The following SPIDR variants were observed in gnomAD, a reference collection of about 807,000 sequenced individuals.
SPIDR encodes the protein scaffold protein involved in DNA repair.
In SPIDR, 93 loss-of-function variants were observed where a neutral mutation model predicts 104.6. The observed-to-expected ratio is 0.89, with a 90% CI of 0.75 to 1.06. SPIDR has a LOEUF of 1.06. Ranked by LOEUF, SPIDR falls within the 50% of genes least tolerant of loss-of-function variation. SPIDR has a pLI of 0.00. For missense variants in SPIDR, 1,154 were observed against 1,111.2 expected (o/e 1.04, Z -0.55); for synonymous variants, 431 against 416.9 (o/e 1.03, Z -0.41).
chr8:47,395,297 C>T (rs556296533), intron 5 of SPIDR, among the ~76,000 whole-genome samples: 8 of 152,104 alleles, frequency 5.3e-5, no homozygotes, highest in South Asian at 2.1e-4. Context: ...AGCAATGAGC[C>T]GAGATCATGC....
At chr8:47,421,249 A>G (rs1014550263) in intron 7 of SPIDR, among the ~76,000 whole-genome samples, 9 of 152,356 alleles carry the variant, frequency 5.9e-5, no homozygotes, top group African/African-American at 1.4e-4. Flanking sequence ...GGGTACACCA[A>G]TCAGACGTAG....
intron 5 of SPIDR, among the ~76,000 whole-genome samples, chr8:47,346,241 G>T (rs1409933557): frequency 8.5e-5 from 13 of 152,136 alleles, no homozygotes; most frequent in Admixed American, 8.5e-4. Flanking sequence ...TTTGTCGTTG[G>T]TTCTGTTTAT....
chr8:47,696,309 A>G (rs2079325033), intron 11 of SPIDR, among the ~76,000 whole-genome samples: 1 of 152,220 alleles, frequency 6.6e-6, no homozygotes. Context: ...GTTACCAACA[A>G]CAAAATTCAG....
chr8:47,269,831 C>T (rs951422482), intron 1 of SPIDR, among the ~76,000 whole-genome samples: 2 of 152,014 alleles, frequency 1.3e-5, no homozygotes, highest in Non-Finnish European at 2.9e-5. Flanking sequence ...GAGGAAATAA[C>T]CTTCTATATC....
chr8:47,533,389 C>T (rs1303300808), intron 8 of SPIDR, among the ~76,000 whole-genome samples: 1 of 152,124 alleles, frequency 6.6e-6, no homozygotes, highest in Non-Finnish European at 1.5e-5. Context: ...GACAAAGACA[C>T]CAAAAGCAGT....
intron 8 of SPIDR, among the ~76,000 whole-genome samples, chr8:47,483,431 A>G (rs1364840332): frequency 6.6e-6 from 1 of 152,152 alleles, no homozygotes; most frequent in Non-Finnish European, 1.5e-5. Flanking sequence ...CTTGGTTCTA[A>G]TAAGCCCTGA....
At chr8:47,606,826 C>T (rs1212454835) in intron 10 of SPIDR, among the ~76,000 whole-genome samples, 1 of 152,208 alleles carries the variant, frequency 6.6e-6, no homozygotes, top group East Asian at 1.9e-4. Flanking sequence ...CTTTTCTTCC[C>T]ACTAAACAGT....
chr8:47,361,086 A>G (rs782742960), intron 5 of SPIDR: 132 of 709,946 alleles, frequency 1.9e-4, no homozygotes, highest in Non-Finnish European at 2.2e-4. Flanking sequence ...GTTACTTAAA[A>G]GAAGGTAGCA....
chr8:47,685,517 A>ATTTATTTATTTTTTTT (rs761792229), intron 11 of SPIDR, among the ~76,000 whole-genome samples: 2 of 130,170 alleles, frequency 1.5e-5, no homozygotes, highest in Non-Finnish European at 3.4e-5. Context: ...TTATTTATTT[A>ATTTATTTATTTTTTTT]TTTTTTTGAG....
Position 47,508,808 on chromosome 8 carries a change from G to A in SPIDR, c.1097+68266G>A, listed in dbSNP as rs74832046. Among the ~76,000 whole-genome samples the A allele has an allele frequency of 9.7e-3, 1,482 of 152,174 alleles. 23 individuals carry two copies. The highest frequency in any genetic ancestry group is 0.034 in the African/African-American group (1,401 of 41,498). On this transcript the variant is annotated intron_variant, in intron 8 of 19. Transcript: ENST00000297423. ...AGGACACAGAGGTGTTGAGTCCTCC[G>A]GGAGAATGTCCAATAAGTGCTGAGA...
intron 8 of SPIDR, among the ~76,000 whole-genome samples, chr8:47,495,506 C>T (rs1004701589): frequency 1.3e-5 from 2 of 152,036 alleles, no homozygotes; most frequent in African/African-American, 4.8e-5. Flanking sequence ...TTCATTACCC[C>T]GAATAGAAAC....
chr8:47,323,170 A>G (rs1251292724), intron 5 of SPIDR, among the ~76,000 whole-genome samples: 1 of 152,142 alleles, frequency 6.6e-6, no homozygotes, highest in Non-Finnish European at 1.5e-5. Context: ...GTCATAGCTA[A>G]ATAATAACAA....
At chr8:47,595,617 C>G (rs1390576237) in intron 8 of SPIDR, among the ~76,000 whole-genome samples, 194 bp from the exon 9 acceptor site, 1 of 152,230 alleles carries the variant, frequency 6.6e-6, no homozygotes, top group Non-Finnish European at 1.5e-5. Context: ...TGACACAGGG[C>G]TTTCACTAGA....
At chr8:47,351,480 A>C (rs1277444684) in intron 5 of SPIDR, among the ~76,000 whole-genome samples, 1 of 152,224 alleles carries the variant, frequency 6.6e-6, no homozygotes, top group African/African-American at 2.4e-5. Flanking sequence ...GGTGTGTTTA[A>C]TACTCATTGC....
chr8:47,405,320 G>GTA (rs2062594371), intron 6 of SPIDR, among the ~76,000 whole-genome samples: 1 of 151,188 alleles, frequency 6.6e-6, no homozygotes, highest in Non-Finnish European at 1.5e-5. Context: ...GTGTGTGTGT[G>GTA]TGTATATATG....
intron 6 of SPIDR, among the ~76,000 whole-genome samples, chr8:47,404,801 C>T (rs1265147751): frequency 1.3e-5 from 2 of 152,164 alleles, no homozygotes; most frequent in African/African-American, 4.8e-5. Context: ...GTGGCGATTC[C>T]TCAAGGATCT....
At chr8:47,434,006 AG>A (rs1180607315) in intron 7 of SPIDR, among the ~76,000 whole-genome samples, 1 of 152,246 alleles carries the variant, frequency 6.6e-6, no homozygotes, top group Non-Finnish European at 1.5e-5. Flanking sequence ...AAACTTCACA[AG>A]TAACTAACAG....
chr8:47,587,485 A>T (rs906995445), intron 8 of SPIDR, among the ~76,000 whole-genome samples: 1 of 152,016 alleles, frequency 6.6e-6, no homozygotes, highest in Non-Finnish European at 1.5e-5. Context: ...GCGCACCTGC[A>T]GTCCCAGCTA....
intron 10 of SPIDR, among the ~76,000 whole-genome samples, chr8:47,610,417 G>T (rs2063459367): frequency 6.6e-6 from 1 of 152,184 alleles, no homozygotes; most frequent in Non-Finnish European, 1.5e-5. Context: ...ACGTGCCTCT[G>T]TGGGCATGAA....
Sources: allele counts gnomAD v4.1 joint callset (sites outside exome capture counted in the v4.1 genomes callset), GRCh38; gene constraint gnomAD v4.1.1; transcripts MANE v1.5; gene names NCBI Gene and HGNC (gene_info 2026-07-23, HGNC 2026-07-21).